The following TASP1 variants were observed in gnomAD, a reference collection of about 807,000 sequenced individuals.
TASP1 encodes the protein threonine aspartase 1.
In TASP1, 16 loss-of-function variants were observed where a neutral mutation model predicts 56.6. The observed-to-expected ratio is 0.28, with a 90% CI of 0.19 to 0.43. TASP1 has a LOEUF of 0.43. Ranked by LOEUF, TASP1 falls within the 20% of genes least tolerant of loss-of-function variation. TASP1 has a pLI of 1.00. For synonymous variants in TASP1, 179 were observed against 184.2 expected, an observed-to-expected ratio of 0.97 and a Z score of 0.23; for missense variants, 393 against 511.6, an observed-to-expected ratio of 0.77 and a Z score of 2.24.
intron 3 of TASP1, 68 bp downstream of exon 3, chr20:13,625,117 G>T: frequency 8.6e-7 from 1 of 1,161,984 alleles, no homozygotes; most frequent in Non-Finnish European, 1.2e-6. Flanking sequence ...TTTAAATGTT[G>T]AATTTCAAGG....
the TASP1 span, among the ~76,000 whole-genome samples, chr20:13,221,012 T>C: frequency 6.6e-6 from 1 of 151,982 alleles, no homozygotes; most frequent in African/African-American, 2.4e-5. Flanking sequence ...GCGCCCCGGC[T>C]ACCGCCAAAC....
the TASP1 span, among the ~76,000 whole-genome samples, chr20:13,233,825 G>C: frequency 6.6e-6 from 1 of 152,164 alleles, no homozygotes; most frequent in South Asian, 2.1e-4. Context: ...CCCAGAGATA[G>C]ACAAGAAGCT....
the TASP1 span, among the ~76,000 whole-genome samples, chr20:13,109,710 C>G: frequency 6.6e-6 from 1 of 152,220 alleles, no homozygotes; most frequent in African/African-American, 2.4e-5. Context: ...CTCAGCTAAA[C>G]TCTAACATGC....
At chr20:13,615,870 G>A (rs150197907) in intron 4 of TASP1, among the ~76,000 whole-genome samples, 129 of 152,088 alleles carry the variant, frequency 8.5e-4, no homozygotes, top group African/African-American at 3.0e-3. Context: ...ATAAAGGGGC[G>A]GGTTTGAGAG....
chr20:13,468,571 GGATTT>G (rs751297173), intron 11 of TASP1, among the ~76,000 whole-genome samples: 4 of 152,010 alleles, frequency 2.6e-5, no homozygotes, highest in Non-Finnish European at 5.9e-5. Context: ...TAATAATTAT[GGATTT>G]ATTTATTCAT....
chr20:13,574,341 T>G (rs1568600408), intron 6 of TASP1, among the ~76,000 whole-genome samples: 2 of 152,198 alleles, frequency 1.3e-5, no homozygotes, highest in Non-Finnish European at 2.9e-5. Flanking sequence ...TTAAGTAACT[T>G]AGCCACATCC....
At chr20:13,522,219 A>G (rs1027047206) in intron 10 of TASP1, among the ~76,000 whole-genome samples, 1 of 152,188 alleles carries the variant, frequency 6.6e-6, no homozygotes, top group Non-Finnish European at 1.5e-5. Flanking sequence ...CCATTTATTA[A>G]GATGGGAAGT....
chr20:13,248,057 T>A, the TASP1 span, among the ~76,000 whole-genome samples: 2 of 152,168 alleles, frequency 1.3e-5, no homozygotes, highest in Non-Finnish European at 2.9e-5. Flanking sequence ...AAGTTCCAGG[T>A]GGGCTATGTG....
chr20:13,417,297 A>T (rs924690621), intron 13 of TASP1, 151 bp downstream of exon 13: 31 of 696,100 alleles, frequency 4.5e-5, no homozygotes, highest in Non-Finnish European at 6.5e-5. Flanking sequence ...AGCTGTTAGC[A>T]TTGTTAACTG....
At chr20:13,179,134 GCAACAGGGATAA>G in the TASP1 span, among the ~76,000 whole-genome samples, 2 of 152,138 alleles carry the variant, frequency 1.3e-5, no homozygotes, top group African/African-American at 4.8e-5. Flanking sequence ...CAAAGATTGA[GCAACAGGGATAA>G]CAACATTGTT....
the TASP1 span, among the ~76,000 whole-genome samples, chr20:13,189,087 T>C: frequency 6.6e-6 from 1 of 152,214 alleles, no homozygotes; most frequent in East Asian, 1.9e-4. Flanking sequence ...CCCTGGAGTC[T>C]CTGTAAATCT....
chr20:13,306,079 G>A, the TASP1 span, among the ~76,000 whole-genome samples: 1 of 151,754 alleles, frequency 6.6e-6, no homozygotes, highest in African/African-American at 2.4e-5. Context: ...CCCTCAAAAT[G>A]AAAAAAACCT....
intron 8 of TASP1, among the ~76,000 whole-genome samples, chr20:13,542,033 A>G (rs2045641763): frequency 6.7e-6 from 1 of 150,148 alleles, no homozygotes; most frequent in Admixed American, 6.6e-5. Flanking sequence ...CGACAGAGCA[A>G]GACTCCGTCT....
the TASP1 span, among the ~76,000 whole-genome samples, chr20:13,161,289 G>A: frequency 6.6e-6 from 1 of 152,268 alleles, no homozygotes; most frequent in Admixed American, 6.5e-5. Context: ...CAATGGGAGT[G>A]GGGGAATAGA....
At chr20:13,356,832 T>C in the TASP1 span, among the ~76,000 whole-genome samples, 8 of 152,026 alleles carry the variant, frequency 5.3e-5, no homozygotes, top group African/African-American at 1.9e-4. Context: ...AAGGTGGTGC[T>C]CTCCCTCATG....
chr20:13,483,188 C>A, intron 11 of TASP1, 39 bp downstream of exon 11: 1 of 1,405,404 alleles, frequency 7.1e-7, no homozygotes, highest in Non-Finnish European at 9.8e-7. Context: ...TGAAATAATC[C>A]ATATTTAGAA....
chr20:13,292,453 GT>G, the TASP1 span: 1 of 1,593,548 alleles, frequency 6.3e-7, no homozygotes, highest in Non-Finnish European at 8.6e-7. Context: ...CCACCAAACT[GT>G]TTGAAGTTGG....
intron 5 of TASP1, among the ~76,000 whole-genome samples, chr20:13,583,536 T>C (rs2047197570): frequency 6.6e-6 from 1 of 152,236 alleles, no homozygotes; most frequent in Non-Finnish European, 1.5e-5. Flanking sequence ...AACTATGGTA[T>C]GGTTTCTGTC....
the TASP1 span, among the ~76,000 whole-genome samples, chr20:13,129,389 T>C: frequency 6.6e-6 from 1 of 152,216 alleles, no homozygotes; most frequent in Admixed American, 6.5e-5. Context: ...TGAAAAACTG[T>C]TCTGGAACTA....
Sources: allele counts gnomAD v4.1 joint callset (sites outside exome capture counted in the v4.1 genomes callset), GRCh38; gene constraint gnomAD v4.1.1; transcripts MANE v1.5; gene names NCBI Gene and HGNC (gene_info 2026-07-23, HGNC 2026-07-21).